The following PIK3C3 variants were observed in gnomAD, a reference collection of about 807,000 sequenced individuals.
The protein encoded by PIK3C3 is PI3-kinase type 3.
PIK3C3 carries 95 observed loss-of-function variants against 126.1 expected under a neutral mutation model. That is an observed-to-expected ratio of 0.75 (90% CI 0.64 to 0.89). The LOEUF is 0.89. Ranked by LOEUF, PIK3C3 falls within the 40% of genes least tolerant of loss-of-function variation. The pLI is 0.00. For missense variants in PIK3C3, 829 were observed against 1,063.2 expected (o/e 0.78, Z 3.06); for synonymous variants, 374 against 360.0 (o/e 1.04, Z -0.44).
chr18:42,031,687 G>A (rs956695245), intron 15 of PIK3C3, among the ~76,000 whole-genome samples: 3 of 152,100 alleles, frequency 2.0e-5, no homozygotes, highest in African/African-American at 4.8e-5. Context: ...AAAGTGCTGG[G>A]ATTACAGGCA....
chr18:42,031,547 C>T (rs988252703), intron 15 of PIK3C3, among the ~76,000 whole-genome samples: 2 of 152,136 alleles, frequency 1.3e-5, no homozygotes, highest in African/African-American at 2.4e-5. Flanking sequence ...GCCTCAGCCT[C>T]CCAGGCAGCT....
Position 42,087,603 on chromosome 18 carries a change from A to G in PIK3C3, c.*6466A>G, listed in dbSNP as rs1986424215. On this transcript the variant is annotated 3_prime_UTR_variant, in exon 25 of 25. Coordinates refer to ENST00000262039, the MANE Select transcript of PIK3C3 (RefSeq NM_002647.4). ...AAATGATTTGGAGCTTCTTTTCATT[A>G]AAGAAAAAAGCCTTACCGAGGACTC... 2 of 152,198 alleles carry G rather than the reference A, an allele frequency of 1.3e-5. No homozygotes were observed. Among genetic ancestry groups the G allele is most frequent in the Admixed American group, 1.3e-4 (2 of 15,286 alleles). 9.4% of individuals were successfully genotyped at this position (152,198 alleles called of 1,614,324 possible). A position where few individuals can be genotyped will look rare whatever the true frequency, so the allele number is the denominator to read the frequency against.
intron 10 of PIK3C3, among the ~76,000 whole-genome samples, chr18:42,006,052 ATTAC>A (rs1162129440): frequency 1.3e-5 from 2 of 151,206 alleles, no homozygotes; most frequent in Non-Finnish European, 2.9e-5. Flanking sequence ...TCAGGGAAAC[ATTAC>A]TTACTATTGA....
At chr18:41,990,346 G>A in intron 5 of PIK3C3, 113 bp from the exon 6 acceptor site, 1 of 664,518 alleles carries the variant, frequency 1.5e-6, no homozygotes, top group Non-Finnish European at 2.7e-6. Flanking sequence ...GTTATGTTTT[G>A]ACTTGTATTT....
chr18:41,982,278 A>G (rs1444053172), intron 4 of PIK3C3, among the ~76,000 whole-genome samples: 1 of 152,182 alleles, frequency 6.6e-6, no homozygotes, highest in Admixed American at 6.5e-5. Context: ...GTTACTGGAA[A>G]AACAGTCTTT....
intron 21 of PIK3C3, among the ~76,000 whole-genome samples, chr18:42,055,178 G>C (rs1985008158): frequency 6.6e-6 from 1 of 152,004 alleles, no homozygotes; most frequent in Admixed American, 6.6e-5. Context: ...GAGCTCTTCT[G>C]TTAGTTCCCT....
At chr18:41,989,043 G>T (rs1208087706) in intron 5 of PIK3C3, among the ~76,000 whole-genome samples, 3 of 151,988 alleles carry the variant, frequency 2.0e-5, no homozygotes, top group Non-Finnish European at 4.4e-5. Flanking sequence ...TAAAGCTGAA[G>T]AATTTAAGTA....
At chr18:41,977,364 A>G (rs2144325764) in intron 4 of PIK3C3, among the ~76,000 whole-genome samples, 1 of 152,336 alleles carries the variant, frequency 6.6e-6, no homozygotes, top group South Asian at 2.1e-4. Flanking sequence ...AGGAACTATT[A>G]ATAGGATAGG....
At position 41,985,929 on chromosome 18, in the gene PIK3C3, A is replaced by G. The variant is rs76096726; in HGVS notation, c.532-1883A>G. 3.1e-3 allele frequency among the ~76,000 whole-genome samples: 469 copies of G among 152,256 alleles called. 8 individuals carry two copies. The East Asian group carries it at 0.053, about 17-fold the overall frequency. ...GTAAAGGAGGAAAAAAGTTCCCACC[A>G]CATTCTCCCACATCCAAACTTAATT... On this transcript the variant is annotated intron_variant, in intron 4 of 24. Coordinates refer to ENST00000262039, the MANE Select transcript of PIK3C3 (RefSeq NM_002647.4).
chr18:41,967,241 T>G (rs371196949), intron 3 of PIK3C3, among the ~76,000 whole-genome samples: 2 of 152,056 alleles, frequency 1.3e-5, no homozygotes, highest in African/African-American at 2.4e-5. Context: ...CACAGCTACT[T>G]CCTTGCATGG....
intron 9 of PIK3C3, among the ~76,000 whole-genome samples, chr18:42,003,804 A>G (rs942000564): frequency 1.3e-5 from 2 of 152,152 alleles, no homozygotes; most frequent in Non-Finnish European, 2.9e-5. Flanking sequence ...TGGATTGCCT[A>G]TCTTTTTAAG....
intron 13 of PIK3C3, among the ~76,000 whole-genome samples, chr18:42,023,764 A>T (rs1983431647): frequency 6.6e-6 from 1 of 152,244 alleles, no homozygotes. Context: ...AAAATGTGAG[A>T]ATTTAAATGC....
chr18:42,085,107 A>C lies in PIK3C3; in HGVS notation c.*3970A>C, dbSNP rs1986372502. On this transcript the variant is annotated 3_prime_UTR_variant, in exon 25 of 25. Coordinates refer to ENST00000262039, the MANE Select transcript of PIK3C3 (RefSeq NM_002647.4). ...TTTTTAACTGGCTATGTAGTTAAAA[A>C]ACCTAACAAAAAGCACTTTTCTATA... 1 of 152,194 alleles carries C rather than the reference A, an allele frequency of 6.6e-6. No homozygotes were observed. Among genetic ancestry groups the C allele is most frequent in the African/African-American group, 2.4e-5 (1 of 41,446 alleles). 9.4% of individuals were successfully genotyped at this position (152,194 alleles called of 1,614,324 possible).
Position 42,049,284 on chromosome 18 carries a change from CTAACT to C in PIK3C3, c.2189-243_2189-239del, listed in dbSNP as rs146555941. 1,055 of 347,536 alleles carry C rather than the reference CTAACT, an allele frequency of 3.0e-3. 14 individuals carry two copies. Among genetic ancestry groups the C allele is most frequent in the African/African-American group, 0.021 (979 of 46,934 alleles). The allele number at this position is 347,536 out of a possible 1,614,324, so 21.5% of individuals were successfully genotyped here. On this transcript the variant is annotated intron_variant, in intron 20 of 24. Coordinates refer to ENST00000262039, the MANE Select transcript of PIK3C3 (RefSeq NM_002647.4). Reference sequence around the variant, plus strand: ...TGTTATAATTTAAGGTCTCCTGAACCTAACTTAAGTTTTGATGCAAGTGACTTTTG... The same window carrying C: ...TGTTATAATTTAAGGTCTCCTGAACCTAAGTTTTGATGCAAGTGACTTTTG...
intron 19 of PIK3C3, among the ~76,000 whole-genome samples, chr18:42,041,025 C>T (rs1984291042): frequency 6.6e-6 from 1 of 151,908 alleles, no homozygotes; most frequent in South Asian, 2.1e-4. Context: ...CTGCTAAACT[C>T]ACAAAAATCA....
At chr18:41,991,893 C>T (rs1400906021) in intron 6 of PIK3C3, among the ~76,000 whole-genome samples, 1 of 152,038 alleles carries the variant, frequency 6.6e-6, no homozygotes, top group Non-Finnish European at 1.5e-5. Flanking sequence ...TGTTCTGTCA[C>T]CAGTGCATTT....
intron 21 of PIK3C3, among the ~76,000 whole-genome samples, chr18:42,051,553 T>C (rs918020845): frequency 6.6e-6 from 1 of 152,154 alleles, no homozygotes. Flanking sequence ...TGAAAAATCA[T>C]CTGTTAGAAC....
chr18:42,037,539 A>G (rs1356762248), intron 16 of PIK3C3, among the ~76,000 whole-genome samples, 153 bp from the exon 17 acceptor site: 3 of 152,230 alleles, frequency 2.0e-5, no homozygotes, highest in Admixed American at 6.5e-5. Flanking sequence ...TCTTTCCAGT[A>G]TACCCTAATG....
chr18:42,064,914 A>G lies in PIK3C3; in HGVS notation c.2523+84A>G, dbSNP rs538372618. On this transcript the variant is annotated intron_variant, in intron 23 of 24. Transcript: ENST00000262039. ...ATACAACAACCTCTCAAGTCTCTGC[A>G]GCCAGTTTTATCCCCTTCCTTGTTC... is the stretch of plus-strand genomic sequence containing the variant. The G allele has an allele frequency of 3.2e-5, 23 of 725,166 alleles. No homozygotes were observed. In the South Asian group the frequency reaches 3.5e-4, roughly 11 times the overall value. 44.9% of individuals were successfully genotyped at this position (725,166 alleles called of 1,614,324 possible).
Sources: allele counts gnomAD v4.1 joint callset (sites outside exome capture counted in the v4.1 genomes callset), GRCh38; gene constraint gnomAD v4.1.1; transcripts MANE v1.5; gene names NCBI Gene and HGNC (gene_info 2026-07-23, HGNC 2026-07-21).